The following DPP10 variants were observed in gnomAD, a reference collection of about 807,000 sequenced individuals.
The protein encoded by DPP10 is inactive dipeptidyl peptidase 10.
Under a neutral mutation model 120.9 loss-of-function variants are expected in DPP10, and 33 were observed. That is an observed-to-expected ratio of 0.27 (90% CI 0.21 to 0.37). The LOEUF (loss-of-function observed/expected upper bound fraction) is 0.37. DPP10 is among the 10% of genes least tolerant of loss of function. The pLI is 1.00. For synonymous variants in DPP10, 337 were observed against 326.1 expected (o/e 1.03, Z -0.36); for missense variants, 816 against 942.8 (o/e 0.87, Z 1.76).
chr2:115,373,718 G>T (rs1015663364), intron 3 of DPP10, among the ~76,000 whole-genome samples: 1 of 151,908 alleles, frequency 6.6e-6, no homozygotes, highest in African/African-American at 2.4e-5. Context: ...CCATTCTCAT[G>T]TTGCTACAAA....
At chr2:114,786,468 C>A (rs2106216754) in intron 1 of DPP10, among the ~76,000 whole-genome samples, 2 of 152,182 alleles carry the variant, frequency 1.3e-5, no homozygotes, top group East Asian at 3.9e-4. Context: ...GAAATGGAGC[C>A]ATGGTGTATT....
At chr2:115,680,129 G>A (rs57949808) in intron 5 of DPP10, among the ~76,000 whole-genome samples, 2 of 151,750 alleles carry the variant, frequency 1.3e-5, no homozygotes, top group Non-Finnish European at 2.9e-5. Flanking sequence ...ACAATTTTAT[G>A]TCACTCAAAA....
intron 21 of DPP10, among the ~76,000 whole-genome samples, chr2:115,825,642 A>G (rs1359826323): frequency 6.6e-6 from 1 of 152,162 alleles, no homozygotes; most frequent in African/African-American, 2.4e-5. Context: ...TCTTTACCTC[A>G]ATTTCACACA....
chr2:114,896,842 TG>T (rs1387653368), intron 1 of DPP10, among the ~76,000 whole-genome samples: 2 of 152,216 alleles, frequency 1.3e-5, no homozygotes, highest in African/African-American at 4.8e-5. Context: ...TTCCAGTTTT[TG>T]CCCATTCAGT....
chr2:115,574,442 G>A (rs1262481714), intron 5 of DPP10, among the ~76,000 whole-genome samples: 1 of 152,108 alleles, frequency 6.6e-6, no homozygotes, highest in African/African-American at 2.4e-5. Flanking sequence ...TTTAGCTCCT[G>A]CAACACTTCC....
intron 5 of DPP10, among the ~76,000 whole-genome samples, chr2:115,593,521 G>T (rs1414747886): frequency 6.6e-6 from 1 of 151,990 alleles, no homozygotes; most frequent in Non-Finnish European, 1.5e-5. Context: ...TTTAAGAAAA[G>T]CACAGTTTTA....
At chr2:114,478,398 G>A (rs1443193523) in intron 1 of DPP10, among the ~76,000 whole-genome samples, 1 of 151,954 alleles carries the variant, frequency 6.6e-6, no homozygotes, top group East Asian at 1.9e-4. Context: ...CACAAGTTAA[G>A]AATAGAGAGA....
intron 1 of DPP10, among the ~76,000 whole-genome samples, chr2:114,814,694 A>G (rs2106334571): frequency 6.6e-6 from 1 of 152,252 alleles, no homozygotes; most frequent in Non-Finnish European, 1.5e-5. Flanking sequence ...ATTTTAGAAA[A>G]AAAAAGCTGA....
chr2:115,450,096 C>T (rs1375645137), intron 3 of DPP10, among the ~76,000 whole-genome samples: 1 of 151,830 alleles, frequency 6.6e-6, no homozygotes, highest in African/African-American at 2.4e-5. Flanking sequence ...CCCAATTAGC[C>T]CATCATAAGT....
At position 114,625,299 on chromosome 2, in the gene DPP10, A is replaced by G. The variant is rs117369911; in HGVS notation, c.60+182461A>G. On this transcript the variant is annotated intron_variant, in intron 1 of 25. Transcript: ENST00000410059. ...GTCTTTAACAAGATCTTCTAGCCCC[A>G]ATACTTTCTGTCAGTTGTTGGTTAG... Among the ~76,000 whole-genome samples the G allele has an allele frequency of 1.2e-4, 18 of 152,046 alleles. No individual in the cohort carries two copies. In the East Asian group the frequency reaches 3.5e-3, roughly 29 times the overall value.
intron 1 of DPP10, among the ~76,000 whole-genome samples, chr2:115,206,417 GT>G (rs1370824692): frequency 1.3e-5 from 2 of 152,174 alleles, no homozygotes; most frequent in East Asian, 3.9e-4. Flanking sequence ...CCAGGTACAT[GT>G]GAGAAACTGC....
chr2:115,592,462 G>T (rs1426747888), intron 5 of DPP10, among the ~76,000 whole-genome samples: 1 of 152,014 alleles, frequency 6.6e-6, no homozygotes, highest in Non-Finnish European at 1.5e-5. Flanking sequence ...GAGCGTGGTG[G>T]CTCATGCCTG....
At chr2:115,708,552 T>C (rs1294231735) in intron 7 of DPP10, among the ~76,000 whole-genome samples, 1 of 152,058 alleles carries the variant, frequency 6.6e-6, no homozygotes, top group Non-Finnish European at 1.5e-5. Flanking sequence ...TGGCTGTTCA[T>C]TTAAGAAAAA....
chr2:115,590,612 G>A (rs985076965), intron 5 of DPP10, among the ~76,000 whole-genome samples: 1 of 152,164 alleles, frequency 6.6e-6, no homozygotes. Flanking sequence ...ATTGCAAATA[G>A]TGCCACAATA....
intron 1 of DPP10, among the ~76,000 whole-genome samples, chr2:114,570,040 AAG>A (rs1230704684): frequency 6.6e-6 from 1 of 152,168 alleles, no homozygotes; most frequent in African/African-American, 2.4e-5. Context: ...TCTTTTGTCA[AAG>A]AGGGTGAATA....
intron 1 of DPP10, among the ~76,000 whole-genome samples, chr2:115,125,836 C>A (rs1443817344): frequency 6.6e-6 from 1 of 152,080 alleles, no homozygotes; most frequent in East Asian, 1.9e-4. Context: ...CCCTCCTTGG[C>A]CTCCCAAAGT....
chr2:115,439,062 A>G (rs375112618), intron 3 of DPP10, among the ~76,000 whole-genome samples: 476 of 52,748 alleles, frequency 9.0e-3, no homozygotes, highest in Non-Finnish European at 9.9e-3. Flanking sequence ...ATGGTCATGG[A>G]AGCACAGTGT....
At chr2:115,611,451 AC>A (rs1408746934) in intron 5 of DPP10, among the ~76,000 whole-genome samples, 1 of 152,002 alleles carries the variant, frequency 6.6e-6, no homozygotes, top group African/African-American at 2.4e-5. Flanking sequence ...GTTTTTTCTT[AC>A]CCCACACAGC....
intron 1 of DPP10, among the ~76,000 whole-genome samples, chr2:114,782,005 G>A (rs1304138529): frequency 6.6e-6 from 1 of 152,038 alleles, no homozygotes; most frequent in Non-Finnish European, 1.5e-5. Flanking sequence ...GTACACAAAT[G>A]CATCATCGCA....
Sources: allele counts gnomAD v4.1 joint callset (sites outside exome capture counted in the v4.1 genomes callset), GRCh38; gene constraint gnomAD v4.1.1; transcripts MANE v1.5; gene names NCBI Gene and HGNC (gene_info 2026-07-23, HGNC 2026-07-21).